The following PRSS55 variants were observed in gnomAD, a reference collection of about 807,000 sequenced individuals.
PRSS55 encodes serine protease 55, also known as probable serine protease UNQ9391/PRO34284.
A neutral mutation model predicts 23.6 loss-of-function variants in PRSS55; 41 were observed. That is an observed-to-expected ratio of 1.74 (90% CI 1.35 to 2.26). The LOEUF is 2.26. PRSS55 is among the 30% of genes most tolerant of loss of function. The pLI is 0.00. For synonymous variants in PRSS55, 262 were observed against 175.5 expected (o/e 1.49, Z -3.90); for missense variants, 669 against 439.1 (o/e 1.52, Z -4.68).
Position 10,525,609 on chromosome 8 carries a change from G to A in PRSS55, c.24G>A (p.Leu8=). Reference sequence around the variant, plus strand: ...CCATGCTCCTGTTCTCAGTGTTGCTGCTCCTGTCCCTGGTCACGGGAACTC... The same window carrying A: ...CCATGCTCCTGTTCTCAGTGTTGCTACTCCTGTCCCTGGTCACGGGAACTC... MLLFSVL[L]LLSLVTGTQL... Residue 8 remains leucine, a synonymous_variant, in exon 1 of 5, where the codon CTG becomes CTA. Coordinates refer to ENST00000328655, the MANE Select transcript of PRSS55 (RefSeq NM_198464.4). The A allele has an allele frequency of 6.2e-7, 1 of 1,614,082 alleles. No homozygotes were observed. The highest frequency in any genetic ancestry group is 8.5e-7 in the Non-Finnish European group (1 of 1,179,984).
chr8:10,537,799 G>C (rs1447405157), intron 4 of PRSS55, among the ~76,000 whole-genome samples: 1 of 152,056 alleles, frequency 6.6e-6, no homozygotes, highest in Non-Finnish European at 1.5e-5. Context: ...GTCTACCATA[G>C]AACCCTCAGC....
At chr8:10,525,879 T>G in intron 1 of PRSS55, 140 bp downstream of exon 1, 2 of 929,256 alleles carry the variant, frequency 2.2e-6, no homozygotes, top group Non-Finnish European at 3.1e-6. Flanking sequence ...GTCCTTTCTC[T>G]CCTCTCTCCC....
chr8:10,534,976 A>G (rs1444201493), intron 4 of PRSS55, among the ~76,000 whole-genome samples: 1 of 152,218 alleles, frequency 6.6e-6, no homozygotes, highest in Non-Finnish European at 1.5e-5. Flanking sequence ...AATATCCGCC[A>G]AAAGAATAAA....
At chr8:10,525,770 G>C (rs1344805256) in intron 1 of PRSS55, 31 bp downstream of exon 1, 1 of 1,556,942 alleles carries the variant, frequency 6.4e-7, no homozygotes. Context: ...GGCATGGATG[G>C]GGGCTCATGG....
chr8:10,544,605 C>G (rs147329038), intron 4 of PRSS55, among the ~76,000 whole-genome samples: 5 of 152,080 alleles, frequency 3.3e-5, no homozygotes, highest in African/African-American at 1.2e-4. Context: ...TCCTTTATAG[C>G]CTTTTGTGTC....
chr8:10,527,211 G>T (rs1476318183), intron 1 of PRSS55, among the ~76,000 whole-genome samples: 4 of 152,194 alleles, frequency 2.6e-5, no homozygotes, highest in African/African-American at 9.7e-5. Flanking sequence ...TAACTTTGTG[G>T]CTGAGAAGTA....
downstream of PRSS55, among the ~76,000 whole-genome samples, chr8:10,541,838 C>G (rs866073129): frequency 6.6e-6 from 1 of 152,144 alleles, no homozygotes; most frequent in African/African-American, 2.4e-5. Flanking sequence ...AGCTCACTGC[C>G]ACCTACATCT....
chr8:10,554,057 A>G, exon 5 of PRSS55: 2 of 1,483,524 alleles, frequency 1.3e-6, no homozygotes, highest in African/African-American at 1.4e-5. Flanking sequence ...TTCTACATGG[A>G]GCCATTTTTG....
Position 10,533,030 on chromosome 8 carries a change from G to A in PRSS55, c.723G>A (p.Glu241=), listed in dbSNP as rs756344449. 1.9e-6 allele frequency: 3 copies of A among 1,614,082 alleles called. No homozygotes were observed. In the Admixed American group the frequency reaches 5.0e-5, roughly 27 times the overall value. Reference sequence around the variant, plus strand: ...TGCTGTGTGCCGGATACAAGAATGAGAGCTATGATGCCTGCAAGGTAACTA... The same window carrying A: ...TGCTGTGTGCCGGATACAAGAATGAAAGCTATGATGCCTGCAAGGTAACTA... The part of the protein sequence containing the change: ...KNMLCAGYKN[E]SYDACKGDSG... Residue 241 remains glutamate (E), a synonymous_variant, in exon 4 of 5, where the codon GAG becomes GAA. Transcript: ENST00000328655.
chr8:10,531,457 C>A lies in PRSS55; in HGVS notation c.510C>A (p.Asp170Glu). The A allele has an allele frequency of 6.2e-7, 1 of 1,614,172 alleles. No individual in the cohort carries two copies. Among genetic ancestry groups the A allele is most frequent in the Non-Finnish European group, 8.5e-7 (1 of 1,180,050 alleles). Reference protein sequence around the residue: ...LLLASPIKLDDLKVPICLPTQ... With the variant: ...LLLASPIKLDELKVPICLPTQ... Reference sequence around the variant, plus strand: ...TGGCTTCGCCCATCAAGCTCGATGACCTGAAGGTGCCCATCTGCCTCCCCA... The same window carrying A: ...TGGCTTCGCCCATCAAGCTCGATGAACTGAAGGTGCCCATCTGCCTCCCCA... Residue 170 changes from aspartate to glutamate, a missense_variant, in exon 3 of 5, where the codon GAC becomes GAA. Asp to Glu is a conservative substitution (Grantham distance 45). Coordinates refer to ENST00000328655, the MANE Select transcript of PRSS55 (RefSeq NM_198464.4).
chr8:10,529,462 C>T, intron 1 of PRSS55, 45 bp from the exon 2 acceptor site: 1 of 1,590,962 alleles, frequency 6.3e-7, no homozygotes, highest in African/African-American at 1.3e-5. Context: ...TGGATGCTGA[C>T]TAAGTGTTTC....
chr8:10,545,049 G>A (rs1004773922), intron 4 of PRSS55: 1 of 982,856 alleles, frequency 1.0e-6, no homozygotes, highest in African/African-American at 1.7e-5. Context: ...GTGCTTCTCA[G>A]ACCATCTGTG....
intron 4 of PRSS55, among the ~76,000 whole-genome samples, chr8:10,553,638 C>A (rs901271989): frequency 1.3e-5 from 2 of 152,088 alleles, no homozygotes; most frequent in African/African-American, 4.8e-5. Context: ...GGTTATGAGA[C>A]CCGGAGGGGG....
intron 1 of PRSS55, 102 bp from the exon 2 acceptor site, chr8:10,529,405 T>A (rs1358033130): frequency 8.6e-7 from 1 of 1,159,910 alleles, no homozygotes; most frequent in Admixed American, 1.7e-5. Context: ...GGGATGAGGA[T>A]ATCCACTTGG....
chr8:10,525,602 T>G lies in PRSS55; in HGVS notation c.17T>G (p.Val6Gly), dbSNP rs1179730946. 1 of 1,614,040 alleles carries G rather than the reference T, an allele frequency of 6.2e-7. No individual in the cohort carries two copies. Among genetic ancestry groups the G allele is most frequent in the Non-Finnish European group, 8.5e-7 (1 of 1,179,976 alleles). The change falls in exon 1 of 5, where the codon GTG (valine) becomes GGG (glycine). Residue 6 changes from valine (V) to glycine (G), a missense_variant. Val to Gly is a moderately radical substitution (Grantham distance 109). Coordinates refer to ENST00000328655, the MANE Select transcript of PRSS55 (RefSeq NM_198464.4). MLLFSVLLLLSLVTGT... is the reference protein window; with the variant it reads MLLFSGLLLLSLVTGT... Reference sequence around the variant, plus strand: ...CCCAGGGCCATGCTCCTGTTCTCAGTGTTGCTGCTCCTGTCCCTGGTCACG... The same window carrying G: ...CCCAGGGCCATGCTCCTGTTCTCAGGGTTGCTGCTCCTGTCCCTGGTCACG...
At position 10,534,500 on chromosome 8, in the gene PRSS55, G is replaced by C. The variant is rs572997965; in HGVS notation, c.741+1452G>C. On this transcript the variant is annotated intron_variant, in intron 4 of 4. Coordinates refer to ENST00000328655, the MANE Select transcript of PRSS55 (RefSeq NM_198464.4). ...TAGCTGCTCAGCTCCTTTGGTAAGA[G>C]AGTAATATAACAAAGGTAGGGAGGG... Among the ~76,000 whole-genome samples the C allele has an allele frequency of 2.0e-5, 3 of 152,316 alleles. No individual in the cohort carries two copies. In the East Asian group the frequency reaches 5.8e-4, roughly 29 times the overall value.
At chr8:10,533,285 T>C (rs1271604802) in intron 4 of PRSS55, among the ~76,000 whole-genome samples, 1 of 152,006 alleles carries the variant, frequency 6.6e-6, no homozygotes, top group African/African-American at 2.4e-5. Flanking sequence ...CTTCTTCAGG[T>C]ACACTAGGTA....
downstream of PRSS55, chr8:10,540,815 T>A (rs1812634993): frequency 2.0e-5 from 3 of 152,232 alleles, no homozygotes; most frequent in South Asian, 4.1e-4. Context: ...TAGAAGCCAT[T>A]TTTTCAGAAG....
In PRSS55 at chr8:10,546,910, G is replaced by A. The variant is rs569343056; in HGVS notation, c.742-7033G>A. 3.9e-5 allele frequency among the ~76,000 whole-genome samples: 6 copies of A among 152,120 alleles called. No homozygotes were observed. The South Asian group carries it at 1.2e-3, about 32-fold the overall frequency. Reference sequence around the variant, plus strand: ...TTCCCAGGCTGGCCTTGTACTCCTGGGCTCAAATGATCCTCCCACCTCAAG... The same window carrying A: ...TTCCCAGGCTGGCCTTGTACTCCTGAGCTCAAATGATCCTCCCACCTCAAG... On this transcript the variant is annotated intron_variant, in intron 4 of 4. Transcript: ENST00000522210.
Sources: gnomAD v4.1 joint callset for allele counts (sites outside exome capture counted in the v4.1 genomes callset) on GRCh38, gnomAD v4.1.1 for gene constraint, MANE v1.5 for transcripts, NCBI Gene and HGNC (gene_info 2026-07-23, HGNC 2026-07-21) for gene names.